SH3GL2: variants seen among roughly 807,000 people sequenced by gnomAD.
SH3GL2 encodes endophilin-A1.
SH3GL2 carries 24 observed loss-of-function variants against 46.0 expected under a neutral mutation model. The observed-to-expected ratio is 0.52, with a 90% CI of 0.38 to 0.73. SH3GL2 has a LOEUF of 0.73. SH3GL2 is among the 30% of genes least tolerant of loss of function. The probability of loss-of-function intolerance (pLI) is 0.00; values close to 1 mark genes in which losing one functional copy is unlikely to be tolerated. For missense variants in SH3GL2, 413 were observed against 424.2 expected (o/e 0.97, Z 0.23); for synonymous variants, 196 against 147.1 (o/e 1.33, Z -2.40).
Position 17,600,113 on chromosome 9 carries a change from C to G in SH3GL2, c.45+20826C>G, listed in dbSNP as rs376850412. 2.6e-5 allele frequency among the ~76,000 whole-genome samples: 4 copies of G among 152,208 alleles called. No individual in the cohort carries two copies. The East Asian group carries it at 7.7e-4, about 29-fold the overall frequency. On this transcript the variant is annotated intron_variant, in intron 1 of 8. Transcript: ENST00000380607. ...TGGGATGTTTGAAATATTCAGGGTA[C>G]TGAACAGCAGTTTAGACACAAAAAA...
At chr9:17,768,590 C>G (rs1363886740) in intron 3 of SH3GL2, among the ~76,000 whole-genome samples, 1 of 152,020 alleles carries the variant, frequency 6.6e-6, no homozygotes. Flanking sequence ...AGTTCCTTCT[C>G]CCTCTTGTTC....
intron 1 of SH3GL2, among the ~76,000 whole-genome samples, chr9:17,670,213 C>T (rs1321711023): frequency 6.6e-6 from 1 of 152,148 alleles, no homozygotes; most frequent in East Asian, 1.9e-4. Context: ...CCAGCTAGCC[C>T]TTTCTGTCCA....
Position 17,777,552 on chromosome 9 carries a change from T to G in SH3GL2, c.188-8829T>G, listed in dbSNP as rs568450910. On this transcript the variant is annotated intron_variant, in intron 3 of 8. Transcript: ENST00000380607. ...TCATAAATAATAGAAATTTATTTTC[T>G]TGCAGTTCTGGAGGTTATATAGTCC... 9.3e-4 allele frequency among the ~76,000 whole-genome samples: 141 copies of G among 152,312 alleles called. 1 individual carries two copies. Among genetic ancestry groups the G allele is most frequent in the African/African-American group, 3.2e-3 (131 of 41,572 alleles).
intron 2 of SH3GL2, among the ~76,000 whole-genome samples, chr9:17,748,458 A>G (rs114727388): frequency 2.8e-3 from 428 of 152,280 alleles, no homozygotes; most frequent in African/African-American, 9.8e-3. Context: ...ATATTGTTTT[A>G]GTCTACATCA....
At chr9:17,681,871 C>CA (rs1460776846) in intron 1 of SH3GL2, among the ~76,000 whole-genome samples, 1 of 151,916 alleles carries the variant, frequency 6.6e-6, no homozygotes, top group African/African-American at 2.4e-5. Flanking sequence ...AAAACCCCAT[C>CA]AAAAAGTAGG....
intron 1 of SH3GL2, among the ~76,000 whole-genome samples, chr9:17,580,373 T>C (rs1818255244): frequency 6.6e-6 from 1 of 152,220 alleles, no homozygotes; most frequent in Non-Finnish European, 1.5e-5. Context: ...AGCCTTGTTA[T>C]GAACCACATC....
rs1818362238 is a variant in SH3GL2, at chr9:17,585,675, A to G, written c.45+6388A>G. Among the ~76,000 whole-genome samples, 3 of 152,238 alleles carry G rather than the reference A, an allele frequency of 2.0e-5. No individual in the cohort carries two copies. The South Asian group carries it at 6.2e-4, about 32-fold the overall frequency. ...GGCAAGTGCCTTTACTAGTGATCTC[A>G]GTGCAGTTCACAGCTCAGTGCAGTT... On this transcript the variant is annotated intron_variant, in intron 1 of 8. Coordinates refer to ENST00000380607, the MANE Select transcript of SH3GL2 (RefSeq NM_003026.5).
At chr9:17,588,738 C>T (rs1818424542) in intron 1 of SH3GL2, among the ~76,000 whole-genome samples, 1 of 152,190 alleles carries the variant, frequency 6.6e-6, no homozygotes, top group Admixed American at 6.5e-5. Flanking sequence ...AGGGAGCTCA[C>T]TTAAGCAGGC....
chr9:17,690,174 C>G (rs1409345192), intron 1 of SH3GL2, among the ~76,000 whole-genome samples: 3 of 152,092 alleles, frequency 2.0e-5, no homozygotes, highest in African/African-American at 7.2e-5. Flanking sequence ...TATGTCTACA[C>G]CCCCACAATA....
At chr9:17,702,903 T>G (rs572136799) in intron 1 of SH3GL2, among the ~76,000 whole-genome samples, 1 of 152,228 alleles carries the variant, frequency 6.6e-6, no homozygotes, top group African/African-American at 2.4e-5. Flanking sequence ...CTGAATCTGT[T>G]AATGCCTTGC....
chr9:17,723,844 C>G (rs922163474), intron 1 of SH3GL2, among the ~76,000 whole-genome samples: 2 of 152,020 alleles, frequency 1.3e-5, no homozygotes, highest in Non-Finnish European at 2.9e-5. Flanking sequence ...TCCATTGTTA[C>G]AGATAAGAAG....
chr9:17,634,505 A>G (rs1231806777), intron 1 of SH3GL2, among the ~76,000 whole-genome samples: 1 of 152,160 alleles, frequency 6.6e-6, no homozygotes, highest in African/African-American at 2.4e-5. Context: ...TTTTCTTGCT[A>G]TGCCTAGTAT....
intron 2 of SH3GL2, among the ~76,000 whole-genome samples, chr9:17,756,627 C>T (rs1230640836): frequency 1.3e-5 from 2 of 152,022 alleles, no homozygotes; most frequent in African/African-American, 4.8e-5. Flanking sequence ...TTTCCAGCTT[C>T]ATCCACGTCC....
intron 1 of SH3GL2, among the ~76,000 whole-genome samples, chr9:17,656,305 T>C (rs889176561): frequency 1.3e-5 from 2 of 152,162 alleles, no homozygotes; most frequent in African/African-American, 4.8e-5. Context: ...TAATATATAA[T>C]ATTCTTCAGA....
chr9:17,591,777 C>G (rs1036044123), intron 1 of SH3GL2, among the ~76,000 whole-genome samples: 3 of 152,260 alleles, frequency 2.0e-5, no homozygotes, highest in Non-Finnish European at 2.9e-5. Flanking sequence ...CTCATAGTGT[C>G]CAGTAAAACT....
In SH3GL2 at chr9:17,795,973, A is replaced by T; in HGVS notation, c.*230A>T. 1 of 536,436 alleles carries T rather than the reference A, an allele frequency of 1.9e-6. No homozygotes were observed. The highest frequency in any genetic ancestry group is 3.3e-6 in the Non-Finnish European group (1 of 299,386). The allele number at this position is 536,436 out of a possible 1,614,324, so 33.2% of individuals were successfully genotyped here. A position where few individuals can be genotyped will look rare whatever the true frequency, so the allele number is the denominator to read the frequency against. ...TGTGCTTTTTAAAACATCATCTGAGACCAGCCAGTAGTCACAGAACTGCTG... is the reference window on the plus strand; with the variant it reads ...TGTGCTTTTTAAAACATCATCTGAGTCCAGCCAGTAGTCACAGAACTGCTG... On this transcript the variant is annotated 3_prime_UTR_variant, in exon 9 of 9. Transcript: ENST00000380607.
chr9:17,579,348 C>G, intron 1 of SH3GL2, 61 bp downstream of exon 1: 2 of 1,204,202 alleles, frequency 1.7e-6, no homozygotes, highest in East Asian at 3.2e-5. Flanking sequence ...GGGGCGCGCT[C>G]GGCGCTGGCC....
intron 1 of SH3GL2, among the ~76,000 whole-genome samples, chr9:17,706,082 C>T (rs1022935896): frequency 4.6e-5 from 7 of 151,920 alleles, no homozygotes; most frequent in South Asian, 2.1e-4. Flanking sequence ...AAAGTAATGT[C>T]GATATATCTA....
At chr9:17,604,450 G>A (rs573805217) in intron 1 of SH3GL2, among the ~76,000 whole-genome samples, 5 of 152,294 alleles carry the variant, frequency 3.3e-5, no homozygotes, top group African/African-American at 4.8e-5. Context: ...AATCTTAGCC[G>A]TTTGTTATTG....
Sources: allele counts gnomAD v4.1 joint callset (sites outside exome capture counted in the v4.1 genomes callset), GRCh38; gene constraint gnomAD v4.1.1; transcripts MANE v1.5; gene names NCBI Gene and HGNC (gene_info 2026-07-23, HGNC 2026-07-21).